The following SPAG17 variants were observed in gnomAD, a reference collection of about 807,000 sequenced individuals.
SPAG17 encodes sperm associated antigen 17.
SPAG17 carries 169 observed loss-of-function variants against 273.6 expected under a neutral mutation model. That is an observed-to-expected ratio of 0.62 (90% CI 0.55 to 0.70). The LOEUF (loss-of-function observed/expected upper bound fraction) is 0.70. Ranked by LOEUF, SPAG17 falls within the 30% of genes least tolerant of loss-of-function variation. SPAG17 has a pLI of 0.00. For synonymous variants in SPAG17, 825 were observed against 873.2 expected, an observed-to-expected ratio of 0.94 and a Z score of 0.97; for missense variants, 2,557 against 2,627.8, an observed-to-expected ratio of 0.97 and a Z score of 0.59.
chr1:117,980,869 T>A (rs553812472), intron 43 of SPAG17, among the ~76,000 whole-genome samples: 16 of 152,230 alleles, frequency 1.1e-4, no homozygotes, highest in Non-Finnish European at 2.4e-4. Context: ...TTCTAGCACC[T>A]GCAGGACCAA....
chr1:118,141,003 T>C (rs1658650983), intron 3 of SPAG17, among the ~76,000 whole-genome samples: 1 of 152,230 alleles, frequency 6.6e-6, no homozygotes, highest in African/African-American at 2.4e-5. Flanking sequence ...CCCTTGCTCT[T>C]TTCAGTTGGA....
chr1:118,184,997 C>A (rs1436550954), intron 1 of SPAG17, 74 bp downstream of exon 1: 2 of 1,269,138 alleles, frequency 1.6e-6, no homozygotes, highest in African/African-American at 1.5e-5. Flanking sequence ...AGCCTTAAGG[C>A]GTCGCCTAGG....
chr1:117,981,342 GT>G lies in SPAG17; in HGVS notation c.5931del (p.Lys1977AsnfsTer20). 2 of 1,601,534 alleles carry G rather than the reference GT, an allele frequency of 1.2e-6. No individual in the cohort carries two copies. Among genetic ancestry groups the G allele is most frequent in the Non-Finnish European group, 1.7e-6 (2 of 1,177,206 alleles). ...TCCTTCTTATCTGCAGAAATCTCTG[GT>G]TTTGGAAGACTAGGCACACTTGAGG... ...QKSSSVPSLP[K>X]PEISADKKDF... On this transcript the variant is annotated frameshift_variant, in exon 43 of 49. Coordinates refer to ENST00000336338, the MANE Select transcript of SPAG17 (RefSeq NM_206996.4). LOFTEE classifies it high-confidence loss of function.
At chr1:118,085,534 G>A (rs1032879848) in intron 13 of SPAG17, among the ~76,000 whole-genome samples, 16 of 151,914 alleles carry the variant, frequency 1.1e-4, no homozygotes, top group African/African-American at 1.9e-4. Flanking sequence ...ACGCGTGCGC[G>A]CGCGCACACA....
Position 117,988,133 on chromosome 1 carries a change from C to T in SPAG17, c.5593G>A (p.Gly1865Ser). The T allele has an allele frequency of 6.2e-7, 1 of 1,607,038 alleles. No homozygotes were observed. The highest frequency in any genetic ancestry group is 8.5e-7 in the Non-Finnish European group (1 of 1,178,016). The change falls in exon 39 of 49, where the codon GGT (glycine) becomes AGT (serine). Residue 1865 changes from glycine (G) to serine (S), a missense_variant. By Grantham distance (56) the Gly-to-Ser change is moderately conservative. Coordinates refer to ENST00000336338, the MANE Select transcript of SPAG17 (RefSeq NM_206996.4). ...CATGTCTTTTCAAAGAAATCTTTAC[C>T]AAATGTGTCTGGTGGGCATTTTGGA... ...TPPKCPPDTFGKDFFEKTWRH... is the reference protein window; with the variant it reads ...TPPKCPPDTFSKDFFEKTWRH...
intron 48 of SPAG17, among the ~76,000 whole-genome samples, chr1:117,957,895 A>C (rs1057300514): frequency 3.3e-5 from 5 of 152,254 alleles, no homozygotes; most frequent in Non-Finnish European, 5.9e-5. Flanking sequence ...CTACAGGTGC[A>C]AATGGAAATG....
In SPAG17 at chr1:118,016,065, G is replaced by C. The variant is rs960257648; in HGVS notation, c.4187C>G (p.Thr1396Ser). Residue 1396 changes from threonine to serine, a missense_variant, in exon 29 of 49, where the codon ACC (threonine) becomes AGC (serine). Physicochemically the swap from Thr to Ser is moderately conservative, Grantham distance 58. Coordinates refer to ENST00000336338, the MANE Select transcript of SPAG17 (RefSeq NM_206996.4). ...VEVHIGTWFT[T>S]TPEGNRIGTK... ...GCCGATCCGATTTCCTTCAGGTGTG[G>C]TTGTAAACCAGGTGCCTATGTGAAC... The C allele has an allele frequency of 6.2e-7, 1 of 1,614,000 alleles. No homozygotes were observed. Among genetic ancestry groups the C allele is most frequent in the African/African-American group, 1.3e-5 (1 of 75,016 alleles).
chr1:117,976,096 G>C (rs567088656), intron 43 of SPAG17, among the ~76,000 whole-genome samples: 14 of 152,262 alleles, frequency 9.2e-5, no homozygotes, highest in African/African-American at 3.4e-4. Flanking sequence ...CAAGGAGCCC[G>C]GATGTGAACC....
intron 3 of SPAG17, among the ~76,000 whole-genome samples, chr1:118,145,760 T>C (rs1049576025): frequency 1.3e-5 from 2 of 152,154 alleles, no homozygotes; most frequent in Non-Finnish European, 2.9e-5. Context: ...AATTGCACCA[T>C]ATCACATAAT....
chr1:118,173,703 A>C (rs1660520692), intron 1 of SPAG17, among the ~76,000 whole-genome samples: 1 of 152,096 alleles, frequency 6.6e-6, no homozygotes, highest in Non-Finnish European at 1.5e-5. Context: ...TCTACAAAGC[A>C]ATACAAAAAT....
intron 1 of SPAG17, among the ~76,000 whole-genome samples, chr1:118,184,411 T>G (rs1197727630): frequency 6.6e-6 from 1 of 152,158 alleles, no homozygotes; most frequent in Non-Finnish European, 1.5e-5. Context: ...TTCTGGGATC[T>G]CATGCACTTT....
At chr1:117,982,536 C>T (rs949254395) in intron 42 of SPAG17, among the ~76,000 whole-genome samples, 6 of 152,170 alleles carry the variant, frequency 3.9e-5, no homozygotes, top group Admixed American at 6.5e-5. Context: ...CCACCGTGCC[C>T]GGCCCCCTAT....
rs201239781 is a variant in SPAG17, at chr1:117,981,347, G to T, written c.5927C>A (p.Pro1976Gln). The T allele has an allele frequency of 2.2e-5, 36 of 1,601,162 alleles. 1 individual carries two copies. In the South Asian group the frequency reaches 4.0e-4, roughly 18 times the overall value. Residue 1976 changes from proline (P) to glutamine (Q), a missense_variant, in exon 43 of 49, where the codon CCA becomes CAA. Pro to Gln is a moderately conservative substitution (Grantham distance 76, BLOSUM62 -1). Transcript: ENST00000336338. ...EQKSSSVPSL[P>Q]KPEISADKKD... ...CTTATCTGCAGAAATCTCTGGTTTT[G>T]GAAGACTAGGCACACTTGAGGATTT...
intron 3 of SPAG17, among the ~76,000 whole-genome samples, chr1:118,117,078 TG>T (rs1304566196): frequency 6.6e-6 from 1 of 152,196 alleles, no homozygotes; most frequent in Non-Finnish European, 1.5e-5. Flanking sequence ...TGTCAATATT[TG>T]GTTTGCATTT....
chr1:118,180,757 T>G (rs562755070), intron 1 of SPAG17, among the ~76,000 whole-genome samples: 1 of 152,026 alleles, frequency 6.6e-6, no homozygotes, highest in African/African-American at 2.4e-5. Flanking sequence ...GATAAAAAAA[T>G]TTTAAAGGGA....
chr1:118,140,115 T>G (rs1027359423), intron 3 of SPAG17, among the ~76,000 whole-genome samples: 5 of 152,144 alleles, frequency 3.3e-5, no homozygotes, highest in African/African-American at 1.2e-4. Flanking sequence ...TGGGTGCCCT[T>G]GACCTGAGAC....
chr1:118,041,665 T>C, intron 21 of SPAG17, 138 bp downstream of exon 21: 1 of 1,135,092 alleles, frequency 8.8e-7, no homozygotes, highest in Non-Finnish European at 1.3e-6. Flanking sequence ...GGAATACAGG[T>C]TTGAGCTCAT....
At chr1:118,046,701 G>T (rs1650396558) in intron 20 of SPAG17, among the ~76,000 whole-genome samples, 1 of 152,034 alleles carries the variant, frequency 6.6e-6, no homozygotes, top group South Asian at 2.1e-4. Context: ...AGAGAGAAAA[G>T]AAATTTATAC....
Position 117,981,358 on chromosome 1 carries a change from C to T in SPAG17, c.5916G>A (p.Val1972=). ...AAATCTCTGGTTTTGGAAGACTAGG[C>T]ACACTTGAGGATTTCTGTTCTGAAA... ...HKVSEQKSSS[V]PSLPKPEISA... is the part of the protein sequence containing the mutation. Residue 1972 remains valine (V), a synonymous_variant, in exon 43 of 49, where the codon GTG becomes GTA. Coordinates refer to ENST00000336338, the MANE Select transcript of SPAG17 (RefSeq NM_206996.4). 1 of 1,603,688 alleles carries T rather than the reference C, an allele frequency of 6.2e-7. No homozygotes were observed. The highest frequency in any genetic ancestry group is 1.8e-5 in the Admixed American group (1 of 56,462).
Sources: allele counts gnomAD v4.1 joint callset (sites outside exome capture counted in the v4.1 genomes callset), GRCh38; gene constraint gnomAD v4.1.1; transcripts MANE v1.5; gene names NCBI Gene and HGNC (gene_info 2026-07-23, HGNC 2026-07-21).